The following RIPOR2 variants were observed in gnomAD, a reference collection of about 807,000 sequenced individuals.
RIPOR2 encodes rho family-interacting cell polarization regulator 2.
RIPOR2 carries 39 observed loss-of-function variants against 114.5 expected under a neutral mutation model. The ratio of observed to expected loss-of-function variants is 0.34; its 90% confidence interval spans 0.26 to 0.44. The LOEUF (loss-of-function observed/expected upper bound fraction) is 0.44, where lower values mean the gene tolerates loss of function less well. RIPOR2 is among the 20% of genes least tolerant of loss of function. The pLI, the probability that RIPOR2 is intolerant of heterozygous loss-of-function variation, is 1.00. For missense variants in RIPOR2, 1,007 were observed against 1,255.1 expected (o/e 0.80, Z 2.99); for synonymous variants, 445 against 484.4 (o/e 0.92, Z 1.07).
chr6:24,987,789 T>C (rs1462811942), intron 1 of RIPOR2, among the ~76,000 whole-genome samples: 1 of 152,326 alleles, frequency 6.6e-6, no homozygotes, highest in African/African-American at 2.4e-5. Context: ...ACCTCAGAGA[T>C]TTGTCAATGT....
rs189749863 is a variant in RIPOR2 at position 25,023,827 on chromosome 6, A to T, written c.76+18024T>A. 4.8e-4 allele frequency: 361 copies of T among 745,526 alleles called. 3 individuals carry two copies. In the East Asian group the frequency reaches 8.4e-3, roughly 17 times the overall value. 46.2% of individuals were successfully genotyped at this position (745,526 alleles called of 1,614,324 possible). A position where few individuals can be genotyped will look rare whatever the true frequency, so the allele number is the denominator to read the frequency against. On this transcript the variant is annotated intron_variant, in intron 1 of 13. Coordinates refer to the RIPOR2 transcript ENST00000510784. ...CCCCTTTTTTAACTCGATCTCGAGGATGTCAGGGGTGTTGGGGGCTTTGAC... is the reference window on the plus strand; with the variant it reads ...CCCCTTTTTTAACTCGATCTCGAGGTTGTCAGGGGTGTTGGGGGCTTTGAC...
chr6:25,005,738 T>TATATACACACATATATATAC (rs34572978), intron 1 of RIPOR2, among the ~76,000 whole-genome samples: 1 of 70,700 alleles, frequency 1.4e-5, no homozygotes, highest in Non-Finnish European at 3.3e-5. Flanking sequence ...TATATATATA[T>TATATACACACATATATATAC]ATACATTTAC....
At chr6:24,821,412 G>C (rs1215587931) in intron 19 of RIPOR2, among the ~76,000 whole-genome samples, 1 of 151,836 alleles carries the variant, frequency 6.6e-6, no homozygotes, top group Non-Finnish European at 1.5e-5. Flanking sequence ...TCAAACTCCC[G>C]ACCTCAGGTG....
intron 1 of RIPOR2, among the ~76,000 whole-genome samples, chr6:25,010,636 G>C (rs1775739891): frequency 6.6e-6 from 1 of 152,158 alleles, no homozygotes; most frequent in African/African-American, 2.4e-5. Flanking sequence ...TGGGCTATGG[G>C]AGCGCCAGGA....
intron 1 of RIPOR2, among the ~76,000 whole-genome samples, chr6:24,919,960 T>C (rs1477659469): frequency 6.6e-6 from 1 of 152,272 alleles, no homozygotes; most frequent in East Asian, 1.9e-4. Context: ...GTTATTGGTG[T>C]TGTTACTATG....
upstream of RIPOR2, among the ~76,000 whole-genome samples, chr6:24,938,551 T>C (rs149648946): frequency 4.2e-3 from 636 of 152,314 alleles, 3 homozygotes; most frequent in African/African-American, 0.013. Context: ...CAGTACATGG[T>C]ACACAGTAAA....
At chr6:24,913,204 G>A (rs2114078195) in intron 1 of RIPOR2, among the ~76,000 whole-genome samples, 1 of 152,068 alleles carries the variant, frequency 6.6e-6, no homozygotes, top group Middle Eastern at 3.4e-3. Flanking sequence ...GCAGAGACCA[G>A]AAAGAAGCAT....
intron 1 of RIPOR2, among the ~76,000 whole-genome samples, chr6:24,904,317 G>C (rs1301754961): frequency 1.3e-5 from 2 of 152,196 alleles, no homozygotes; most frequent in Non-Finnish European, 2.9e-5. Flanking sequence ...CTAGCTTCTA[G>C]AGGTCACCTG....
At chr6:24,922,357 G>A (rs1464811228) in intron 1 of RIPOR2, among the ~76,000 whole-genome samples, 1 of 152,136 alleles carries the variant, frequency 6.6e-6, no homozygotes. Flanking sequence ...CTGTTATAAA[G>A]GAAACAGTCT....
chr6:24,892,384 C>G (rs1439782003), intron 1 of RIPOR2, among the ~76,000 whole-genome samples: 1 of 152,174 alleles, frequency 6.6e-6, no homozygotes, highest in Non-Finnish European at 1.5e-5. Context: ...GATTCTCTCC[C>G]CTTAGCCTTG....
chr6:24,901,531 C>G (rs944596323), intron 1 of RIPOR2, among the ~76,000 whole-genome samples: 1 of 152,174 alleles, frequency 6.6e-6, no homozygotes, highest in African/African-American at 2.4e-5. Flanking sequence ...ATTCAAAGGG[C>G]AAACTTTTTT....
At chr6:24,868,811 C>T (rs1382715707) in intron 6 of RIPOR2, among the ~76,000 whole-genome samples, 2 of 152,140 alleles carry the variant, frequency 1.3e-5, no homozygotes, top group Non-Finnish European at 2.9e-5. Context: ...TAGTTTATCT[C>T]TAAGCACTCT....
At chr6:25,027,946 G>A (rs1345844546) in intron 1 of RIPOR2, among the ~76,000 whole-genome samples, 1 of 152,160 alleles carries the variant, frequency 6.6e-6, no homozygotes, top group Non-Finnish European at 1.5e-5. Flanking sequence ...AAGGGGAGTG[G>A]GCACTGTCCG....
Position 24,842,987 on chromosome 6 carries a change from AG to A in RIPOR2, c.1731del (p.Leu579Ter). 6.4e-7 allele frequency: 1 copy of A among 1,571,506 alleles called. No individual in the cohort carries two copies. Among genetic ancestry groups the A allele is most frequent in the African/African-American group, 1.4e-5 (1 of 73,238 alleles). ...GCATCCTCTAAGCTTCCATCTAGAA[AG>A]GATCTGCAGCCTTCAGATTCTCCAC... ...SVGGESEGCR[S>X]FLDGSLEDAF... On this transcript the variant is annotated frameshift_variant, in exon 13 of 22. Transcript: ENST00000643898. LOFTEE classifies it high-confidence loss of function.
At chr6:24,993,095 C>T (rs1774898964) in intron 1 of RIPOR2, among the ~76,000 whole-genome samples, 1 of 152,086 alleles carries the variant, frequency 6.6e-6, no homozygotes, top group African/African-American at 2.4e-5. Context: ...ACATTTTGTT[C>T]AGCATTTCTA....
chr6:24,972,075 T>G (rs934784856), intron 1 of RIPOR2, among the ~76,000 whole-genome samples: 1 of 152,218 alleles, frequency 6.6e-6, no homozygotes, highest in African/African-American at 2.4e-5. Context: ...CACAATTATC[T>G]TTACTTGATA....
intron 14 of RIPOR2, 67 bp from the exon 15 acceptor site, chr6:24,835,938 G>A: frequency 6.9e-7 from 1 of 1,458,486 alleles, no homozygotes; most frequent in Non-Finnish European, 9.4e-7. Flanking sequence ...AAGTCCACAT[G>A]GTTTGCATCG....
chr6:24,880,841 C>T (rs1308063326), intron 1 of RIPOR2, among the ~76,000 whole-genome samples: 1 of 152,184 alleles, frequency 6.6e-6, no homozygotes, highest in Non-Finnish European at 1.5e-5. Flanking sequence ...GGATTGTACT[C>T]CTGGTAACAT....
At chr6:24,958,233 T>C (rs1475589685) in intron 1 of RIPOR2, among the ~76,000 whole-genome samples, 1 of 152,216 alleles carries the variant, frequency 6.6e-6, no homozygotes, top group African/African-American at 2.4e-5. Context: ...TATGTACAAA[T>C]GCATCTACTA....
Sources: gnomAD v4.1 joint callset for allele counts (sites outside exome capture counted in the v4.1 genomes callset) on GRCh38, gnomAD v4.1.1 for gene constraint, MANE v1.5 for transcripts, NCBI Gene and HGNC (gene_info 2026-07-23, HGNC 2026-07-21) for gene names.